Variants in SLC9A2 observed in about 807,000 individuals in gnomAD.
SLC9A2 encodes the protein sodium/hydrogen exchanger 2.
Under a neutral mutation model 71.7 loss-of-function variants are expected in SLC9A2, and 42 were observed. The ratio of observed to expected loss-of-function variants is 0.59; its 90% confidence interval spans 0.46 to 0.76. The LOEUF (loss-of-function observed/expected upper bound fraction) is 0.76. SLC9A2 is among the 30% of genes least tolerant of loss of function. The pLI is 0.00. For synonymous variants in SLC9A2, 396 were observed against 392.5 expected (o/e 1.01, Z -0.10); for missense variants, 829 against 1,017.4 (o/e 0.81, Z 2.52).
At chr2:102,669,922 C>T (rs1252884348) in intron 3 of SLC9A2, among the ~76,000 whole-genome samples, 4 of 152,186 alleles carry the variant, frequency 2.6e-5, no homozygotes, top group Non-Finnish European at 5.9e-5. Context: ...ACACATTGAC[C>T]TGAAGGGGGA....
intron 1 of SLC9A2, among the ~76,000 whole-genome samples, chr2:102,632,091 CACATATATAT>C (rs1476848828): frequency 3.0e-5 from 3 of 101,612 alleles, no homozygotes; most frequent in Non-Finnish European, 6.0e-5. Flanking sequence ...CATATATATA[CACATATATAT>C]ACATATATAT....
At chr2:102,673,026 C>CAA (rs58430032) in intron 3 of SLC9A2, among the ~76,000 whole-genome samples, 2 of 148,264 alleles carry the variant, frequency 1.3e-5, no homozygotes, top group African/African-American at 4.9e-5. Flanking sequence ...CTGATGGAGG[C>CAA]AAAAAAAAAT....
intron 1 of SLC9A2, among the ~76,000 whole-genome samples, chr2:102,622,834 C>T (rs919142368): frequency 6.6e-6 from 1 of 152,158 alleles, no homozygotes; most frequent in African/African-American, 2.4e-5. Context: ...ACTACAGAAC[C>T]TTTTCCACTG....
intron 7 of SLC9A2, among the ~76,000 whole-genome samples, chr2:102,700,505 C>A (rs565891508): frequency 6.6e-6 from 1 of 152,284 alleles, no homozygotes; most frequent in South Asian, 2.1e-4. Flanking sequence ...ATAGTTTACA[C>A]AAGTGAGGGC....
intron 1 of SLC9A2, among the ~76,000 whole-genome samples, chr2:102,649,758 A>G (rs1157787261): frequency 6.6e-6 from 1 of 152,158 alleles, no homozygotes; most frequent in Non-Finnish European, 1.5e-5. Context: ...TGCAAATCAA[A>G]ACCCCGAGAT....
chr2:102,703,290 G>C (rs1396697246), intron 9 of SLC9A2, among the ~76,000 whole-genome samples: 1 of 152,104 alleles, frequency 6.6e-6, no homozygotes, highest in Non-Finnish European at 1.5e-5. Context: ...TGAAAATTTG[G>C]ACTCTATTTC....
chr2:102,658,563 G>C (rs1470536121), intron 2 of SLC9A2, among the ~76,000 whole-genome samples: 1 of 151,116 alleles, frequency 6.6e-6, no homozygotes, highest in Non-Finnish European at 1.5e-5. Context: ...GAAAGTTTTT[G>C]TCACACGCTC....
chr2:102,695,777 AT>A (rs1261113687), intron 7 of SLC9A2, among the ~76,000 whole-genome samples: 8 of 26,358 alleles, frequency 3.0e-4, no homozygotes, highest in East Asian at 4.2e-3. Context: ...TATAATATAT[AT>A]TATATATATA....
At chr2:102,642,237 C>G (rs1184744206) in intron 1 of SLC9A2, among the ~76,000 whole-genome samples, 1 of 152,138 alleles carries the variant, frequency 6.6e-6, no homozygotes, top group Non-Finnish European at 1.5e-5. Context: ...CCAGCACCTC[C>G]TTGGAGTTTT....
intron 1 of SLC9A2, among the ~76,000 whole-genome samples, chr2:102,638,278 G>T (rs1676509009): frequency 6.6e-6 from 1 of 152,182 alleles, no homozygotes; most frequent in Non-Finnish European, 1.5e-5. Context: ...GACACTTAGG[G>T]ACTCAGGATC....
chr2:102,620,984 G>A (rs751970037), intron 1 of SLC9A2, among the ~76,000 whole-genome samples: 1 of 151,800 alleles, frequency 6.6e-6, no homozygotes, highest in Non-Finnish European at 1.5e-5. Flanking sequence ...GTGAAACCTC[G>A]TCTCTACTAA....
At position 102,620,043 on chromosome 2, in the gene SLC9A2, G is replaced by C. The variant is rs766038771; in HGVS notation, c.195G>C (p.Glu65Asp). The C allele has an allele frequency of 6.2e-7, 1 of 1,614,122 alleles. No homozygotes were observed. The highest frequency in any genetic ancestry group is 8.5e-7 in the Non-Finnish European group (1 of 1,180,016). The change falls in exon 1 of 12, where the codon GAG becomes GAC. Residue 65 changes from glutamate (E) to aspartate (D), a missense_variant. By Grantham distance (45) the Glu-to-Asp change is conservative (BLOSUM62 2). Around this residue, in one of 3 missense-constraint regions of SLC9A2, gnomAD observed 106 missense variants for 93.5 expected, o/e 1.13. Coordinates refer to ENST00000233969, the MANE Select transcript of SLC9A2 (RefSeq NM_003048.6). ...VVAPGTTLFE[E>D]SRLPVFTLDY... Reference sequence around the variant, plus strand: ...CTCCCGGAACGACGCTGTTCGAGGAGAGCCGGCTGCCTGTGTTTACGCTGG... The same window carrying C: ...CTCCCGGAACGACGCTGTTCGAGGACAGCCGGCTGCCTGTGTTTACGCTGG...
intron 2 of SLC9A2, among the ~76,000 whole-genome samples, chr2:102,662,459 G>A (rs1326452635): frequency 1.3e-5 from 2 of 152,120 alleles, no homozygotes; most frequent in African/African-American, 4.8e-5. Context: ...GGGACATGGG[G>A]CACTCACTCA....
At position 102,708,440 on chromosome 2, in the gene SLC9A2, C is replaced by A. The variant is rs760502626; in HGVS notation, c.2390C>A (p.Ala797Glu). The change falls in exon 12 of 12, where the codon GCA becomes GAA. Residue 797 changes from alanine (A) to glutamate (E), a missense_variant. Ala to Glu is a moderately radical substitution (Grantham distance 107). Coordinates refer to ENST00000233969, the MANE Select transcript of SLC9A2 (RefSeq NM_003048.6). ...CCGCCACCACGGCTGGTCTGGAGGGCATCGGAACCTGGAAGCCGGAAAGCC... is the reference window on the plus strand; with the variant it reads ...CCGCCACCACGGCTGGTCTGGAGGGAATCGGAACCTGGAAGCCGGAAAGCC... ...PKPPPRLVWR[A>E]SEPGSRKARF... 1 of 1,614,154 alleles carries A rather than the reference C, an allele frequency of 6.2e-7. No homozygotes were observed. Among genetic ancestry groups the A allele is most frequent in the African/African-American group, 1.3e-5 (1 of 75,050 alleles).
Position 102,641,024 on chromosome 2 carries a change from C to T in SLC9A2, c.290-16540C>T, listed in dbSNP as rs750167415. On this transcript the variant is annotated intron_variant, in intron 1 of 11. Transcript: ENST00000233969. ...TTACAAGGGTTTTAGGGGCTCTGTG[C>T]CAGGAACTAGGAGCAGAGACCAAAT... is the stretch of plus-strand genomic sequence containing the variant. Among the ~76,000 whole-genome samples, 108 of 152,184 alleles carry T rather than the reference C, an allele frequency of 7.1e-4. 3 individuals carry two copies. The highest frequency in any genetic ancestry group is 2.6e-4 in the Admixed American group (4 of 15,278).
At chr2:102,685,797 G>A (rs1329563075) in intron 5 of SLC9A2, among the ~76,000 whole-genome samples, 1 of 152,224 alleles carries the variant, frequency 6.6e-6, no homozygotes, top group African/African-American at 2.4e-5. Flanking sequence ...TAGACCTACA[G>A]TGGAGATACG....
Position 102,708,457 on chromosome 2 carries a change from C to A in SLC9A2, c.2407C>A (p.Arg803=). Residue 803 remains arginine (R), a synonymous_variant, in exon 12 of 12, where the codon CGG becomes AGG. Coordinates refer to ENST00000233969, the MANE Select transcript of SLC9A2 (RefSeq NM_003048.6). ...CTGGAGGGCATCGGAACCTGGAAGC[C>A]GGAAAGCCCGATTTGGGAGTGAGAA... is the stretch of plus-strand genomic sequence containing the variant. ...LVWRASEPGS[R]KARFGSEKP 6.2e-7 allele frequency: 1 copy of A among 1,614,056 alleles called. No individual in the cohort carries two copies. Among genetic ancestry groups the A allele is most frequent in the Non-Finnish European group, 8.5e-7 (1 of 1,180,002 alleles).
chr2:102,663,373 T>C (rs1677080802), intron 2 of SLC9A2, among the ~76,000 whole-genome samples: 1 of 152,218 alleles, frequency 6.6e-6, no homozygotes, highest in Non-Finnish European at 1.5e-5. Context: ...TTTATTGCCA[T>C]CTACTAGGCA....
In SLC9A2 at chr2:102,653,317, C is replaced by T. The variant is rs77920200; in HGVS notation, c.290-4247C>T. Among the ~76,000 whole-genome samples, 1,422 of 152,298 alleles carry T rather than the reference C, an allele frequency of 9.3e-3. 26 individuals carry two copies. Among genetic ancestry groups the T allele is most frequent in the African/African-American group, 0.03 (1,237 of 41,570 alleles). On this transcript the variant is annotated intron_variant, in intron 1 of 11. Transcript: ENST00000233969. ...AAAGAAAGGAGTACAGATTTGAAAACATGAAACCATCTTATTTTTTTCAAC... is the reference window on the plus strand; with the variant it reads ...AAAGAAAGGAGTACAGATTTGAAAATATGAAACCATCTTATTTTTTTCAAC...
Sources: allele counts gnomAD v4.1 joint callset (sites outside exome capture counted in the v4.1 genomes callset), GRCh38; gene constraint gnomAD v4.1.1; regional missense constraint gnomAD v4.1.1; transcripts MANE v1.5; gene names NCBI Gene and HGNC (gene_info 2026-07-23, HGNC 2026-07-21).